LSM12: variants seen among roughly 807,000 people sequenced by gnomAD.
The protein encoded by LSM12 is protein LSM12.
For missense variants in LSM12, 108 were observed against 238.9 expected, an observed-to-expected ratio of 0.45 and a Z score of 3.61; for synonymous variants, 74 against 87.3, an observed-to-expected ratio of 0.85 and a Z score of 0.85.
chr17:44,039,183 T>C (rs2049454865), intron 3 of LSM12, among the ~76,000 whole-genome samples: 1 of 151,994 alleles, frequency 6.6e-6, no homozygotes. Context: ...GCCTCCTAAG[T>C]GGCTGGGATT....
chr17:44,057,541 C>T, intron 2 of LSM12, among the ~76,000 whole-genome samples: 1 of 150,554 alleles, frequency 6.6e-6, no homozygotes, highest in Non-Finnish European at 1.5e-5. Context: ...GTGGGCGGAT[C>T]ATGAGGTCAG....
intron 2 of LSM12, among the ~76,000 whole-genome samples, chr17:44,053,309 C>T (rs2049670438): frequency 6.6e-6 from 1 of 152,124 alleles, no homozygotes; most frequent in Admixed American, 6.6e-5. Context: ...AGAGCAAGGT[C>T]GAGTAGATGT....
intron 2 of LSM12, among the ~76,000 whole-genome samples, chr17:44,042,930 T>C (rs2049514398): frequency 6.6e-6 from 1 of 151,680 alleles, no homozygotes; most frequent in Admixed American, 6.6e-5. Flanking sequence ...CTTGAACTCC[T>C]GAGCTCAGGT....
At chr17:44,064,859 C>A (rs1032060533) in intron 1 of LSM12, among the ~76,000 whole-genome samples, 1 of 152,060 alleles carries the variant, frequency 6.6e-6, no homozygotes, top group Non-Finnish European at 1.5e-5. Flanking sequence ...TCTTAGGCCG[C>A]GCGGTGGCTC....
chr17:44,046,676 C>T (rs1295177050), intron 2 of LSM12, among the ~76,000 whole-genome samples: 1 of 142,112 alleles, frequency 7.0e-6, no homozygotes, highest in Non-Finnish European at 1.5e-5. Context: ...CGCCACTGCA[C>T]TCCAGCCTGG....
intron 2 of LSM12, among the ~76,000 whole-genome samples, chr17:44,060,936 C>T (rs1020151817): frequency 1.3e-5 from 2 of 152,108 alleles, no homozygotes; most frequent in Admixed American, 1.3e-4. Flanking sequence ...TCTTTCAGAT[C>T]TTTACTACTC....
At position 44,057,157 on chromosome 17, in the gene LSM12, C is replaced by CT. The variant is rs754049528; in HGVS notation, c.258+6643dup. 8.2e-3 allele frequency among the ~76,000 whole-genome samples: 1,169 copies of CT among 141,908 alleles called. 6 individuals carry two copies. The highest frequency in any genetic ancestry group is 0.025 in the Middle Eastern group (7 of 278). The allele number at this position is 141,908 out of a possible 152,430, so 93.1% of individuals were successfully genotyped here. A position where few individuals can be genotyped will look rare whatever the true frequency, so the allele number is the denominator to read the frequency against. On this transcript the variant is annotated intron_variant, in intron 2 of 4. Transcript: ENST00000293406. ...GGCAACAGAGTAAGACTTTTTTTTT[C>CT]TTTTTTTTTTGAGACGGAGTCTCGC...
At chr17:44,036,380 C>T (rs1422619285) in intron 4 of LSM12, 80 bp from the exon 5 acceptor site, 1 of 1,573,036 alleles carries the variant, frequency 6.4e-7, no homozygotes. Flanking sequence ...CAGGTTTCCA[C>T]AGCCCCATCC....
intron 2 of LSM12, among the ~76,000 whole-genome samples, chr17:44,057,562 C>A (rs927637461): frequency 5.3e-5 from 8 of 150,400 alleles, no homozygotes; most frequent in Non-Finnish European, 1.0e-4. Flanking sequence ...GAGTTCAAGA[C>A]CACCCTGGCC....
chr17:44,057,754 G>A (rs1288808095), intron 2 of LSM12, among the ~76,000 whole-genome samples: 1 of 150,538 alleles, frequency 6.6e-6, no homozygotes, highest in East Asian at 2.0e-4. Context: ...CGGAGACTCT[G>A]TCTCAAAAAA....
intron 2 of LSM12, among the ~76,000 whole-genome samples, chr17:44,055,420 C>A (rs1164883363): frequency 1.3e-5 from 2 of 148,378 alleles, no homozygotes; most frequent in Non-Finnish European, 3.0e-5. Context: ...CCAGCACTTT[C>A]GGAGGCTGAG....
At chr17:44,048,481 CAA>C (rs534794067) in intron 2 of LSM12, among the ~76,000 whole-genome samples, 4 of 64,396 alleles carry the variant, frequency 6.2e-5, no homozygotes, top group African/African-American at 5.5e-5. Flanking sequence ...GACTCCATCT[CAA>C]AAAAAAAAAA....
chr17:44,066,189 C>T (rs528013626), intron 1 of LSM12, among the ~76,000 whole-genome samples: 1 of 152,030 alleles, frequency 6.6e-6, no homozygotes, highest in African/African-American at 2.4e-5. Flanking sequence ...ACGTTCCCCC[C>T]AAAAAGCCAT....
At chr17:44,064,247 G>A (rs532759843) in intron 1 of LSM12, among the ~76,000 whole-genome samples, 3 of 123,922 alleles carry the variant, frequency 2.4e-5, no homozygotes, top group African/African-American at 7.5e-5. Context: ...TCTGTTCTTC[G>A]TATAATACTC....
chr17:44,054,320 T>C (rs951080688), intron 2 of LSM12, among the ~76,000 whole-genome samples: 3 of 152,128 alleles, frequency 2.0e-5, no homozygotes, highest in African/African-American at 7.2e-5. Context: ...GGTTTTGTTG[T>C]TGTTGTTTTT....
intron 2 of LSM12, among the ~76,000 whole-genome samples, chr17:44,057,213 G>A (rs1236539129): frequency 2.1e-5 from 3 of 143,514 alleles, no homozygotes; most frequent in Admixed American, 1.4e-4. Flanking sequence ...GCAGTGGCGC[G>A]ATCTCAGCTC....
At chr17:44,044,946 A>G (rs779284711) in intron 2 of LSM12, among the ~76,000 whole-genome samples, 24 of 152,322 alleles carry the variant, frequency 1.6e-4, no homozygotes, top group Middle Eastern at 3.4e-3. Flanking sequence ...CACTGGAGAG[A>G]ACCAATAAAA....
intron 3 of LSM12, among the ~76,000 whole-genome samples, chr17:44,037,922 G>T (rs1187816947): frequency 6.6e-6 from 1 of 152,196 alleles, no homozygotes; most frequent in Non-Finnish European, 1.5e-5. Context: ...CATATCATCT[G>T]TTACAACTAG....
intron 2 of LSM12, among the ~76,000 whole-genome samples, chr17:44,051,720 C>G (rs1043833013): frequency 6.6e-6 from 1 of 152,036 alleles, no homozygotes; most frequent in African/African-American, 2.4e-5. Context: ...ATACCTGTAA[C>G]CCTAACACTT....
Sources: allele counts gnomAD v4.1 joint callset (sites outside exome capture counted in the v4.1 genomes callset), GRCh38; gene constraint gnomAD v4.1.1; transcripts MANE v1.5; gene names NCBI Gene and HGNC (gene_info 2026-07-23, HGNC 2026-07-21).